SLC4A10: variants seen among roughly 807,000 people sequenced by gnomAD.
SLC4A10 encodes the protein sodium-driven chloride bicarbonate exchanger.
SLC4A10 carries 42 observed loss-of-function variants against 137.7 expected under a neutral mutation model. That is an observed-to-expected ratio of 0.30 (90% CI 0.24 to 0.39). The LOEUF is 0.39. SLC4A10 is among the 10% of genes least tolerant of loss of function. The pLI is 1.00. For missense variants in SLC4A10, 925 were observed against 1,355.0 expected, an observed-to-expected ratio of 0.68 and a Z score of 4.98; for synonymous variants, 474 against 464.1, an observed-to-expected ratio of 1.02 and a Z score of -0.27.
intron 3 of SLC4A10, among the ~76,000 whole-genome samples, chr2:161,833,654 C>T (rs2058579382): frequency 6.6e-6 from 1 of 152,166 alleles, no homozygotes; most frequent in African/African-American, 2.4e-5. Flanking sequence ...TTATTCTAGA[C>T]ACACCATGTG....
At chr2:161,925,027 T>G (rs1198492231) in intron 15 of SLC4A10, among the ~76,000 whole-genome samples, 2 of 152,158 alleles carry the variant, frequency 1.3e-5, no homozygotes, top group Non-Finnish European at 2.9e-5. Context: ...GTCTTGAAAG[T>G]GGAAGCTAGC....
intron 15 of SLC4A10, among the ~76,000 whole-genome samples, chr2:161,906,916 C>T (rs1313471230): frequency 1.3e-5 from 2 of 151,818 alleles, no homozygotes; most frequent in Non-Finnish European, 2.9e-5. Flanking sequence ...ATTAGCCAGG[C>T]GTGGTGGCGG....
At chr2:161,815,028 A>G (rs2056913566) in intron 3 of SLC4A10, among the ~76,000 whole-genome samples, 1 of 152,206 alleles carries the variant, frequency 6.6e-6, no homozygotes, top group Admixed American at 6.5e-5. Flanking sequence ...TAACAAAAAT[A>G]GTAAAAATAA....
At chr2:161,773,855 T>C (rs1430931264) in intron 2 of SLC4A10, among the ~76,000 whole-genome samples, 52 of 151,894 alleles carry the variant, frequency 3.4e-4, no homozygotes, top group Non-Finnish European at 1.5e-4. Flanking sequence ...CCTATTAAAA[T>C]AGAAAGAAAA....
chr2:161,634,538 C>G (rs1197293463), intron 1 of SLC4A10, among the ~76,000 whole-genome samples: 1 of 151,710 alleles, frequency 6.6e-6, no homozygotes, highest in East Asian at 1.9e-4. Context: ...AGGTGTCTGC[C>G]TCATGACTTT....
chr2:161,967,377 G>A (rs1697786672), intron 23 of SLC4A10, among the ~76,000 whole-genome samples: 2 of 152,170 alleles, frequency 1.3e-5, no homozygotes, highest in South Asian at 4.1e-4. Flanking sequence ...ACTGGAATAA[G>A]TGGGTTGGAA....
chr2:161,770,775 A>G (rs770087797), intron 1 of SLC4A10, among the ~76,000 whole-genome samples, 198 bp from the exon 2 acceptor site: 2 of 151,866 alleles, frequency 1.3e-5, no homozygotes, highest in Non-Finnish European at 1.5e-5. Context: ...ACCAGATGAT[A>G]TTTCTTCAAA....
intron 1 of SLC4A10, among the ~76,000 whole-genome samples, chr2:161,716,882 T>A (rs963510106): frequency 5.9e-5 from 9 of 152,144 alleles, no homozygotes; most frequent in Non-Finnish European, 1.2e-4. Context: ...TATAAATTAC[T>A]TTGGGCAGTA....
intron 26 of SLC4A10, 133 bp from the exon 27 acceptor site, chr2:161,983,046 G>A (rs560176620): frequency 4.4e-6 from 3 of 688,838 alleles, no homozygotes; most frequent in Non-Finnish European, 7.2e-6. Flanking sequence ...TCTGTGCTTC[G>A]CAGCATGAGA....
At chr2:161,823,305 T>G (rs1489873113) in intron 3 of SLC4A10, among the ~76,000 whole-genome samples, 1 of 152,268 alleles carries the variant, frequency 6.6e-6, no homozygotes, top group Non-Finnish European at 1.5e-5. Flanking sequence ...TTGTACTTAA[T>G]GTACTACTGT....
At chr2:161,684,517 C>T (rs530660200) in intron 1 of SLC4A10, among the ~76,000 whole-genome samples, 1 of 152,112 alleles carries the variant, frequency 6.6e-6, no homozygotes, top group South Asian at 2.1e-4. Flanking sequence ...TGAGCAAGGA[C>T]TTGAGAGAAG....
At chr2:161,719,207 T>C (rs1357191099) in intron 1 of SLC4A10, among the ~76,000 whole-genome samples, 1 of 152,152 alleles carries the variant, frequency 6.6e-6, no homozygotes, top group Non-Finnish European at 1.5e-5. Flanking sequence ...TCCAGCTTCA[T>C]CCATGTCCCT....
At chr2:161,651,737 C>G (rs1451565696) in intron 1 of SLC4A10, among the ~76,000 whole-genome samples, 2 of 152,244 alleles carry the variant, frequency 1.3e-5, no homozygotes, top group African/African-American at 4.8e-5. Context: ...TGCCCCACCA[C>G]AGCAGCTGGC....
Position 161,977,732 on chromosome 2 carries a change from TA to T in SLC4A10, c.3357del (p.Ter1119TyrfsTer6), listed in dbSNP as rs1276352355. ...SSFPSKSSPS* is the reference protein window; with the variant it reads ...SSFPSKSSPSX ...CATTTTTGTCATAAGCTCCCCTTCC[TA>T]ATCACTCTAGAAGCTGATTCCCCAA... On this transcript the variant is annotated frameshift_variant and stop_lost, in exon 26 of 27. Coordinates refer to ENST00000446997, the MANE Select transcript of SLC4A10 (RefSeq NM_001178015.2). LOFTEE classifies it high-confidence loss of function. The T allele has an allele frequency of 6.2e-7, 1 of 1,601,260 alleles. No homozygotes were observed. Among genetic ancestry groups the T allele is most frequent in the Non-Finnish European group, 8.5e-7 (1 of 1,175,484 alleles).
At chr2:161,775,505 T>A (rs2052210886) in intron 2 of SLC4A10, among the ~76,000 whole-genome samples, 1 of 151,872 alleles carries the variant, frequency 6.6e-6, no homozygotes, top group Non-Finnish European at 1.5e-5. Context: ...GACCAGGAAG[T>A]GGCAAGTGTG....
At chr2:161,732,695 C>G (rs1346326841) in intron 1 of SLC4A10, among the ~76,000 whole-genome samples, 4 of 152,114 alleles carry the variant, frequency 2.6e-5, no homozygotes, top group Non-Finnish European at 2.9e-5. Context: ...GAAGTTGGAA[C>G]AGTTTGGAGG....
At chr2:161,668,566 G>A (rs891571088) in intron 1 of SLC4A10, among the ~76,000 whole-genome samples, 3 of 151,728 alleles carry the variant, frequency 2.0e-5, no homozygotes, top group African/African-American at 7.2e-5. Flanking sequence ...AATATTAGAT[G>A]ATAGTGTTTT....
At chr2:161,888,563 TG>T (rs1298313489) in intron 10 of SLC4A10, among the ~76,000 whole-genome samples, 29 of 152,190 alleles carry the variant, frequency 1.9e-4, no homozygotes, top group Non-Finnish European at 2.9e-5. Context: ...CAATTGTGAA[TG>T]GGAGTTCACT....
At chr2:161,933,360 C>T (rs1018997683) in intron 15 of SLC4A10, among the ~76,000 whole-genome samples, 1 of 143,138 alleles carries the variant, frequency 7.0e-6, no homozygotes, top group Non-Finnish European at 1.5e-5. Context: ...CTTTCTCTTT[C>T]TCTCTCTTTC....
Sources: gnomAD v4.1 joint callset for allele counts (sites outside exome capture counted in the v4.1 genomes callset) on GRCh38, gnomAD v4.1.1 for gene constraint, MANE v1.5 for transcripts, NCBI Gene and HGNC (gene_info 2026-07-23, HGNC 2026-07-21) for gene names.